Variants in CSMD1 observed in about 807,000 individuals in gnomAD.
The protein encoded by CSMD1 is CUB and sushi domain-containing protein 1.
In CSMD1, 213 loss-of-function variants were observed where a neutral mutation model predicts 417.5. That is an observed-to-expected ratio of 0.51 (90% CI 0.46 to 0.57). The LOEUF is 0.57. Among genes scored for constraint, CSMD1 ranks in the 20% least tolerant of loss-of-function variants. The pLI is 0.00. For synonymous variants in CSMD1, 2,862 were observed against 1,736.8 expected, an observed-to-expected ratio of 1.65 and a Z score of -16.11; for missense variants, 6,923 against 4,529.7, an observed-to-expected ratio of 1.53 and a Z score of -15.17.
chr8:3,285,872 G>A (rs1460136951), intron 25 of CSMD1, among the ~76,000 whole-genome samples: 1 of 151,762 alleles, frequency 6.6e-6, no homozygotes, highest in Non-Finnish European at 1.5e-5. Flanking sequence ...TAAGGTAAAT[G>A]TGCACAACGT....
At chr8:4,929,589 G>C (rs939656776) in intron 1 of CSMD1, among the ~76,000 whole-genome samples, 3 of 152,146 alleles carry the variant, frequency 2.0e-5, no homozygotes, top group African/African-American at 7.2e-5. Context: ...GGTGTGTTCA[G>C]TCCATTTGTC....
In CSMD1 at chr8:3,439,309, A is replaced by ATATATATATATATATTT; in HGVS notation, c.1561+29402_1561+29403insAAATATATATATATATA. 2.5e-3 allele frequency among the ~76,000 whole-genome samples: 154 copies of ATATATATATATATATTT among 62,362 alleles called. 2 individuals are homozygous for ATATATATATATATATTT. Among genetic ancestry groups the ATATATATATATATATTT allele is most frequent in the Non-Finnish European group, 2.7e-3 (93 of 34,758 alleles). The allele number at this position is 62,362 out of a possible 152,430, so 40.9% of individuals were successfully genotyped here. ...TATATATATATATATATATATATAT[A>ATATATATATATATATTT]TTTTTTTTTTTAATATGTATTTTTA... On this transcript the variant is annotated intron_variant, in intron 12 of 69. Transcript: ENST00000635120.
At chr8:3,206,262 T>G (rs1585651707) in intron 30 of CSMD1, among the ~76,000 whole-genome samples, 7 of 72,094 alleles carry the variant, frequency 9.7e-5, no homozygotes, top group South Asian at 5.6e-4. Context: ...TATGTATGTG[T>G]GGGGGGGTAT....
chr8:4,931,698 C>G (rs1807261998), intron 1 of CSMD1, among the ~76,000 whole-genome samples: 2 of 152,304 alleles, frequency 1.3e-5, no homozygotes, highest in African/African-American at 2.4e-5. Flanking sequence ...GCAAAACTAA[C>G]CAGGATTGAA....
chr8:3,078,487 T>C (rs978312977), intron 49 of CSMD1, among the ~76,000 whole-genome samples: 1 of 152,216 alleles, frequency 6.6e-6, no homozygotes, highest in African/African-American at 2.4e-5. Context: ...TAACTGATAT[T>C]GACGGCGTTG....
chr8:3,019,709 C>T (rs1454444136), intron 51 of CSMD1, among the ~76,000 whole-genome samples: 1 of 152,210 alleles, frequency 6.6e-6, no homozygotes, highest in African/African-American at 2.4e-5. Flanking sequence ...TCCATTTTCA[C>T]TCATGAAAGT....
chr8:3,033,279 T>C (rs993045954), intron 50 of CSMD1, among the ~76,000 whole-genome samples: 2 of 152,094 alleles, frequency 1.3e-5, no homozygotes, highest in Non-Finnish European at 2.9e-5. Flanking sequence ...GAATAAACAA[T>C]ATGATAAAAT....
chr8:4,165,272 C>A (rs569721656), intron 3 of CSMD1, among the ~76,000 whole-genome samples: 24 of 152,344 alleles, frequency 1.6e-4, no homozygotes, highest in African/African-American at 5.3e-4. Flanking sequence ...GCGAAAGTTA[C>A]AGCTGTTGAT....
chr8:4,208,066 G>C (rs563858184), intron 3 of CSMD1, among the ~76,000 whole-genome samples: 1 of 152,206 alleles, frequency 6.6e-6, no homozygotes, highest in African/African-American at 2.4e-5. Flanking sequence ...CTTTTGTTCA[G>C]ATATGTGTTT....
chr8:4,116,864 A>G (rs1022880044), intron 3 of CSMD1, among the ~76,000 whole-genome samples: 4 of 152,002 alleles, frequency 2.6e-5, no homozygotes, highest in African/African-American at 9.7e-5. Flanking sequence ...TTTACTGTAC[A>G]ATGTGCCAGA....
rs1172600205 is a variant in CSMD1, at chr8:4,578,332, ATTTTTTTTTTTTTTTT to A, written c.302+58994_302+59009del. Among the ~76,000 whole-genome samples, 6 of 48,776 alleles carry A rather than the reference ATTTTTTTTTTTTTTTT, an allele frequency of 1.2e-4. No individual in the cohort carries two copies. In the Admixed American group the frequency reaches 1.8e-3, roughly 15 times the overall value. 32.0% of individuals were successfully genotyped at this position (48,776 alleles called of 152,430 possible). A position where few individuals can be genotyped will look rare whatever the true frequency, so the allele number is the denominator to read the frequency against. Reference sequence around the variant, plus strand: ...AGGCACCTGCCACGACACCCGGCTCATTTTTTTTTTTTTTTTTTTTTTTTTTTTAGGACAGACGGGG... The same window carrying A: ...AGGCACCTGCCACGACACCCGGCTCATTTTTTTTTTTTAGGACAGACGGGG... On this transcript the variant is annotated intron_variant, in intron 2 of 69. Coordinates refer to ENST00000635120, the MANE Select transcript of CSMD1 (RefSeq NM_033225.6).
At chr8:4,597,018 TGTA>T (rs1343285067) in intron 2 of CSMD1, among the ~76,000 whole-genome samples, 1 of 152,208 alleles carries the variant, frequency 6.6e-6, no homozygotes, top group Non-Finnish European at 1.5e-5. Flanking sequence ...CTCCCAGCCA[TGTA>T]GAACTGTAAG....
intron 5 of CSMD1, among the ~76,000 whole-genome samples, chr8:3,965,749 C>G (rs2130024097): frequency 1.3e-5 from 2 of 152,184 alleles, no homozygotes; most frequent in Admixed American, 1.3e-4. Context: ...TCCCGAGTAG[C>G]TGGGACTACA....
intron 4 of CSMD1, among the ~76,000 whole-genome samples, chr8:4,025,038 G>A (rs2130530054): frequency 6.6e-6 from 1 of 152,316 alleles, no homozygotes; most frequent in African/African-American, 2.4e-5. Flanking sequence ...GAATTAGGCA[G>A]CCGGGACAAC....
intron 7 of CSMD1, among the ~76,000 whole-genome samples, chr8:3,680,810 C>T (rs556998533): frequency 0.015 from 2,262 of 152,158 alleles, 56 homozygotes; most frequent in African/African-American, 0.052. Context: ...GCAAACCGAA[C>T]TCAGCAGCAC....
At chr8:3,397,696 T>A (rs1811787953) in intron 16 of CSMD1, among the ~76,000 whole-genome samples, 1 of 152,206 alleles carries the variant, frequency 6.6e-6, no homozygotes, top group African/African-American at 2.4e-5. Flanking sequence ...GACATAGTCA[T>A]GCTGAAGTTG....
intron 3 of CSMD1, among the ~76,000 whole-genome samples, chr8:4,040,607 G>C (rs1044333415): frequency 1.3e-5 from 2 of 152,126 alleles, no homozygotes; most frequent in African/African-American, 2.4e-5. Flanking sequence ...ATATGGATTG[G>C]GGAGACTTAC....
At chr8:3,138,714 G>C (rs1456444259) in intron 41 of CSMD1, among the ~76,000 whole-genome samples, 2 of 152,196 alleles carry the variant, frequency 1.3e-5, no homozygotes, top group African/African-American at 4.8e-5. Flanking sequence ...AGGTAGAAAG[G>C]ACTGTGGCTG....
At chr8:3,815,647 A>G (rs1043961519) in intron 5 of CSMD1, among the ~76,000 whole-genome samples, 1 of 151,694 alleles carries the variant, frequency 6.6e-6, no homozygotes, top group Non-Finnish European at 1.5e-5. Flanking sequence ...TTTTTAACAA[A>G]TAAACAACCT....
Sources: allele counts gnomAD v4.1 joint callset (sites outside exome capture counted in the v4.1 genomes callset), GRCh38; gene constraint gnomAD v4.1.1; transcripts MANE v1.5; gene names NCBI Gene and HGNC (gene_info 2026-07-23, HGNC 2026-07-21).